Variants in SGO2 observed in about 807,000 individuals in gnomAD.
SGO2 encodes the protein shugoshin-like 2.
SGO2 carries 68 observed loss-of-function variants against 99.5 expected under a neutral mutation model. That is an observed-to-expected ratio of 0.68 (90% CI 0.56 to 0.84). The LOEUF is 0.84. SGO2 is among the 40% of genes least tolerant of loss of function. The probability of loss-of-function intolerance (pLI) is 0.00; values close to 1 mark genes in which losing one functional copy is unlikely to be tolerated. For missense variants in SGO2, 1,350 were observed against 1,436.7 expected, an observed-to-expected ratio of 0.94 and a Z score of 0.97; for synonymous variants, 457 against 487.1, an observed-to-expected ratio of 0.94 and a Z score of 0.81.
intron 5 of SGO2, among the ~76,000 whole-genome samples, chr2:200,545,434 C>T (rs1011302414): frequency 5.9e-5 from 9 of 152,042 alleles, no homozygotes; most frequent in Non-Finnish European, 8.8e-5. Flanking sequence ...TTCTCCCTCA[C>T]CCGCCTTTTC....
intron 5 of SGO2, among the ~76,000 whole-genome samples, chr2:200,544,238 A>G (rs755695727): frequency 3.3e-5 from 5 of 152,276 alleles, no homozygotes; most frequent in African/African-American, 1.2e-4. Flanking sequence ...TTATACTACA[A>G]TGTATCCATT....
chr2:200,545,683 G>A (rs1441836450), intron 5 of SGO2, among the ~76,000 whole-genome samples: 1 of 152,188 alleles, frequency 6.6e-6, no homozygotes, highest in Non-Finnish European at 1.5e-5. Flanking sequence ...ACTTCCACAT[G>A]TGCAATGCCC....
Position 200,572,053 on chromosome 2 carries a change from C to T in SGO2, c.1707C>T (p.His569=). Residue 569 remains histidine, a synonymous_variant, in exon 7 of 9, where the codon CAC becomes CAT. Coordinates refer to ENST00000357799, the MANE Select transcript of SGO2 (RefSeq NM_152524.6). ...YENLDVTNEF[H]TANLSTKDNG... is the part of the protein sequence containing the mutation. ...ACCTAGACGTCACAAATGAATTTCA[C>T]ACAGCCAATCTTTCCACCAAAGATA... 6.2e-7 allele frequency: 1 copy of T among 1,613,450 alleles called. No homozygotes were observed. The highest frequency in any genetic ancestry group is 8.5e-7 in the Non-Finnish European group (1 of 1,179,618).
intron 4 of SGO2, 74 bp from the exon 5 acceptor site, chr2:200,542,505 A>G: frequency 9.2e-7 from 1 of 1,084,876 alleles, no homozygotes; most frequent in Non-Finnish European, 1.3e-6. Context: ...GTCATTGTAT[A>G]ATTTGGTACT....
chr2:200,563,376 G>A (rs563217244), intron 5 of SGO2, among the ~76,000 whole-genome samples: 345 of 152,282 alleles, frequency 2.3e-3, no homozygotes, highest in Middle Eastern at 0.01. Context: ...ATTTGCATAT[G>A]TTGAACCAGC....
At position 200,572,767 on chromosome 2, in the gene SGO2, G is replaced by A. The variant is rs1013240695; in HGVS notation, c.2421G>A (p.Lys807=). Residue 807 remains lysine, a synonymous_variant, in exon 7 of 9, where the codon AAG becomes AAA. Coordinates refer to ENST00000357799, the MANE Select transcript of SGO2 (RefSeq NM_152524.6). ...AAAATGATTCAAAAATAGGTAAGAAGCCTAGACTAAATGTATGTCAAAAGT... is the reference window on the plus strand; with the variant it reads ...AAAATGATTCAAAAATAGGTAAGAAACCTAGACTAAATGTATGTCAAAAGT... ...ACQNDSKIGK[K]PRLNVCQKSE... The A allele has an allele frequency of 2.5e-6, 4 of 1,613,026 alleles. No homozygotes were observed. The Admixed American group carries it at 5.0e-5, about 20-fold the overall frequency.
At position 200,535,152 on chromosome 2, in the gene SGO2, G is replaced by T. The variant is rs758042162; in HGVS notation, c.290G>T (p.Arg97Leu). ...EKLNFENTFL[R>L]LKLNNLNKKL... ...CTGAATTTTGAGAACACATTTCTTC[G>T]CCTAAAGCTAAATAACTTGGTATGT... Residue 97 changes from arginine to leucine, a missense_variant, in exon 3 of 9, where the codon CGC (arginine) becomes CTC (leucine). Transcript: ENST00000357799. 6 of 1,523,840 alleles carry T rather than the reference G, an allele frequency of 3.9e-6. No homozygotes were observed. The Admixed American group carries it at 1.6e-4, about 40-fold the overall frequency. The allele number at this position is 1,523,840 out of a possible 1,614,324, so 94.4% of individuals were successfully genotyped here.
Position 200,572,938 on chromosome 2 carries a change from A to T in SGO2, c.2592A>T (p.Thr864=), listed in dbSNP as rs2106346011. 6.3e-7 allele frequency: 1 copy of T among 1,598,914 alleles called. No homozygotes were observed. Reference sequence around the variant, plus strand: ...TACAAGTCACAAATGAATTTCAAACAGTTGATCTTCTCATCAAAGATAATG... The same window carrying T: ...TACAAGTCACAAATGAATTTCAAACTGTTGATCTTCTCATCAAAGATAATG... ...ENLQVTNEFQ[T]VDLLIKDNGN... is the part of the protein sequence containing the mutation. Residue 864 remains threonine (T), a synonymous_variant, in exon 7 of 9, where the codon ACA becomes ACT. Transcript: ENST00000357799.
intron 5 of SGO2, among the ~76,000 whole-genome samples, chr2:200,557,670 A>G (rs2032771206): frequency 6.6e-6 from 1 of 152,122 alleles, no homozygotes; most frequent in South Asian, 2.1e-4. Context: ...ATATAGCAAT[A>G]TGATTTTTGG....
chr2:200,572,750 T>G lies in SGO2; in HGVS notation c.2404T>G (p.Ser802Ala), dbSNP rs2033490232. The change falls in exon 7 of 9, where the codon TCA (serine) becomes GCA (alanine). Residue 802 changes from serine (S) to alanine (A), a missense_variant. By Grantham distance (99) the Ser-to-Ala change is moderately conservative. Coordinates refer to ENST00000357799, the MANE Select transcript of SGO2 (RefSeq NM_152524.6). ...HDMQPACQND[S>A]KIGKKPRLNV... ...TATGCAACCTGCTTGTCAAAATGAT[T>G]CAAAAATAGGTAAGAAGCCTAGACT... 1 of 1,612,912 alleles carries G rather than the reference T, an allele frequency of 6.2e-7. No individual in the cohort carries two copies. Among genetic ancestry groups the G allele is most frequent in the Non-Finnish European group, 8.5e-7 (1 of 1,179,420 alleles).
intron 8 of SGO2, among the ~76,000 whole-genome samples, chr2:200,582,868 A>G (rs927332724): frequency 1.3e-5 from 2 of 152,188 alleles, no homozygotes; most frequent in Non-Finnish European, 2.9e-5. Context: ...GTTGAGTGGA[A>G]AAAGTCACAG....
Position 200,573,863 on chromosome 2 carries a change from A to G in SGO2, c.3517A>G (p.Lys1173Glu). 1.2e-6 allele frequency: 2 copies of G among 1,613,298 alleles called. No homozygotes were observed. The highest frequency in any genetic ancestry group is 2.2e-5 in the South Asian group (2 of 91,012). The change falls in exon 7 of 9, where the codon AAA becomes GAA. Residue 1173 changes from lysine to glutamate, a missense_variant. Lys to Glu is a moderately conservative substitution (Grantham distance 56). Coordinates refer to ENST00000357799, the MANE Select transcript of SGO2 (RefSeq NM_152524.6). ...SVSSGKNVII[K>E]ENFALECSPA... is the part of the protein sequence containing the mutation. ...TTCTTCTGGTAAAAATGTGATAATA[A>G]AAGAAAATTTTGCCTTGGAGTGCTC...
chr2:200,560,727 T>G (rs1215105542), intron 5 of SGO2, among the ~76,000 whole-genome samples: 1 of 152,184 alleles, frequency 6.6e-6, no homozygotes, highest in Non-Finnish European at 1.5e-5. Flanking sequence ...TTTAATTTTC[T>G]TACAAAAACC....
intron 5 of SGO2, among the ~76,000 whole-genome samples, chr2:200,564,743 T>C (rs1212764350): frequency 6.6e-6 from 1 of 152,208 alleles, no homozygotes; most frequent in East Asian, 1.9e-4. Context: ...ATCTGGGTGC[T>C]CCTGTATTGG....
rs1265821227 is a variant in SGO2, at chr2:200,573,440, T to G, written c.3094T>G (p.Ser1032Ala). The G allele has an allele frequency of 1.9e-6, 3 of 1,609,744 alleles. No homozygotes were observed. In the South Asian group the frequency reaches 3.3e-5, roughly 18 times the overall value. ...AAAACATATTACTAGTGAAGCAGAT[T>G]CTGATCCAGGAAACCCAGTTGAACT... ...DLKHITSEAD[S>A]DPGNPVELCK... is the part of the protein sequence containing the mutation. Residue 1032 changes from serine (S) to alanine (A), a missense_variant, in exon 7 of 9, where the codon TCT becomes GCT. Physicochemically the swap from Ser to Ala is moderately conservative, Grantham distance 99 (BLOSUM62 1). Coordinates refer to ENST00000357799, the MANE Select transcript of SGO2 (RefSeq NM_152524.6).
At chr2:200,550,668 C>A (rs1312428806) in intron 5 of SGO2, among the ~76,000 whole-genome samples, 1 of 152,098 alleles carries the variant, frequency 6.6e-6, no homozygotes, top group Non-Finnish European at 1.5e-5. Context: ...TATCTCTCAC[C>A]ATACACAAAA....
chr2:200,559,628 G>A (rs764526762), intron 5 of SGO2, among the ~76,000 whole-genome samples: 7 of 151,992 alleles, frequency 4.6e-5, no homozygotes, highest in South Asian at 4.1e-4. Flanking sequence ...ATGAGTTCTC[G>A]TTGCCCAAGC....
intron 4 of SGO2, among the ~76,000 whole-genome samples, chr2:200,539,938 A>G (rs2031879553): frequency 6.9e-6 from 1 of 145,380 alleles, no homozygotes; most frequent in Admixed American, 6.7e-5. Context: ...AGTAATTTCT[A>G]TTGTTCTATC....
At position 200,556,821 on chromosome 2, in the gene SGO2, G is replaced by A. The variant is rs372009696; in HGVS notation, c.474-12842G>A. Among the ~76,000 whole-genome samples the A allele has an allele frequency of 1.6e-3, 246 of 150,148 alleles. 1 individual carries two copies. The highest frequency in any genetic ancestry group is 5.4e-3 in the African/African-American group (219 of 40,908). ...GATATCAACCCCAAAACTCCTGGCC[G>A]AGAGAGAGAGAGAGACAGAGACAGA... On this transcript the variant is annotated intron_variant, in intron 5 of 8. Coordinates refer to ENST00000357799, the MANE Select transcript of SGO2 (RefSeq NM_152524.6).
Sources: gnomAD v4.1 joint callset for allele counts (sites outside exome capture counted in the v4.1 genomes callset) on GRCh38, gnomAD v4.1.1 for gene constraint, MANE v1.5 for transcripts, NCBI Gene and HGNC (gene_info 2026-07-23, HGNC 2026-07-21) for gene names.